Variants in EPB41L1 observed in about 807,000 individuals in gnomAD.
EPB41L1 encodes erythrocyte membrane protein band 4.1 like 1.
Under a neutral mutation model 97.8 loss-of-function variants are expected in EPB41L1, and 29 were observed. The ratio of observed to expected loss-of-function variants is 0.30; its 90% CI spans 0.22 to 0.40. The LOEUF (loss-of-function observed/expected upper bound fraction) is 0.40, where lower values mean the gene tolerates loss of function less well. EPB41L1 is among the 10% of genes least tolerant of loss of function. The pLI, the probability that EPB41L1 is intolerant of heterozygous loss-of-function variation, is 1.00. For synonymous variants in EPB41L1, 383 were observed against 459.2 expected (o/e 0.83, Z 2.12); for missense variants, 812 against 1,162.3 (o/e 0.70, Z 4.38).
chr20:36,158,524 C>A (rs776888964), intron 1 of EPB41L1, among the ~76,000 whole-genome samples: 2 of 152,072 alleles, frequency 1.3e-5, no homozygotes, highest in African/African-American at 4.8e-5. Flanking sequence ...GAAGAGTGGG[C>A]GGTCTGATGT....
At position 36,212,287 on chromosome 20, in the gene EPB41L1, A is replaced by T. The variant is rs2063177627; in HGVS notation, c.2095A>T (p.Thr699Ser). 1 of 1,614,064 alleles carries T rather than the reference A, an allele frequency of 6.2e-7. No homozygotes were observed. Among genetic ancestry groups the T allele is most frequent in the Admixed American group, 1.7e-5 (1 of 60,012 alleles). Residue 699 changes from threonine (T) to serine (S), a missense_variant, in exon 16 of 22, where the codon ACC (threonine) becomes TCC (serine). Around this residue, in one of 3 missense-constraint regions of EPB41L1, gnomAD observed 498 missense variants for 622.7 expected, o/e 0.80. Transcript: ENST00000338074. The surrounding 1 kb of genome is among the most constrained non-coding windows in gnomAD (Gnocchi z 4.8). ...TTTCCTACAGCCCGTGAAAACAGAA[A>T]CCATGACTGTCAGCAGTCTGGCCAT... ...MPQFEPVKTE[T>S]MTVSSLAIRK...
chr20:36,194,050 G>A (rs2062074473), intron 11 of EPB41L1, among the ~76,000 whole-genome samples, 162 bp from the exon 12 acceptor site: 1 of 152,194 alleles, frequency 6.6e-6, no homozygotes, highest in Admixed American at 6.5e-5. Context: ...GCCACTCACT[G>A]GCCATGTGAT....
Position 36,207,069 on chromosome 20 carries a change from G to A in EPB41L1, c.1669-2419G>A. ...GCGAGGCTTCAGCATTTCTTCACATGGAGGTGATCATTCCCCTGCCAGCCT... is the reference window on the plus strand; with the variant it reads ...GCGAGGCTTCAGCATTTCTTCACATAGAGGTGATCATTCCCCTGCCAGCCT... On this transcript the variant is annotated intron_variant, in intron 14 of 21. Coordinates refer to ENST00000338074, the MANE Select transcript of EPB41L1 (RefSeq NM_012156.2). The surrounding 1 kb of genome is among the most constrained non-coding windows in gnomAD (Gnocchi z 4.9). 1 of 1,289,492 alleles carries A rather than the reference G, an allele frequency of 7.8e-7. No homozygotes were observed. Among genetic ancestry groups the A allele is most frequent in the African/African-American group, 1.5e-5 (1 of 65,992 alleles). 79.9% of individuals were successfully genotyped at this position (1,289,492 alleles called of 1,614,324 possible).
At chr20:36,140,913 C>T (rs1188842608) in intron 2 of EPB41L1, among the ~76,000 whole-genome samples, 1 of 152,132 alleles carries the variant, frequency 6.6e-6, no homozygotes, top group Non-Finnish European at 1.5e-5. Flanking sequence ...CAGGATGTCT[C>T]GTTGCTAAGA....
Position 36,229,499 on chromosome 20 carries a change from T to C in EPB41L1, c.*159T>C. On this transcript the variant is annotated 3_prime_UTR_variant, in exon 22 of 22. Transcript: ENST00000338074. ...GAAGGGAAAAGCATATATATATAGA[T>C]ATATAGAGATATAGATATATATACA... is the stretch of plus-strand genomic sequence containing the variant. The C allele has an allele frequency of 1.5e-6, 1 of 684,082 alleles. No individual in the cohort carries two copies. The highest frequency in any genetic ancestry group is 2.6e-6 in the Non-Finnish European group (1 of 378,502). The allele number at this position is 684,082 out of a possible 1,614,324, so 42.4% of individuals were successfully genotyped here.
intron 1 of EPB41L1, among the ~76,000 whole-genome samples, chr20:36,166,406 G>A (rs770884812): frequency 1.2e-4 from 19 of 152,164 alleles, no homozygotes; most frequent in African/African-American, 4.6e-4. Context: ...TCAGATCAGC[G>A]CCTAGCAAAT....
At chr20:36,177,905 C>T in intron 3 of EPB41L1, 47 bp from the exon 4 acceptor site, 1 of 1,494,818 alleles carries the variant, frequency 6.7e-7, no homozygotes, top group Non-Finnish European at 9.3e-7. Context: ...CCCAGCCTCG[C>T]CCCGGGGTGT....
In EPB41L1 at chr20:36,185,204, C is replaced by T. The variant is rs144222676; in HGVS notation, c.654C>T (p.Tyr218=). 2.4e-5 allele frequency: 39 copies of T among 1,613,720 alleles called. 1 individual carries two copies. In the East Asian group the frequency reaches 3.8e-4, roughly 16 times the overall value. Residue 218 remains tyrosine, a synonymous_variant, in exon 7 of 22, where the codon TAC becomes TAT. Coordinates refer to ENST00000338074, the MANE Select transcript of EPB41L1 (RefSeq NM_012156.2). ...SFVTHALLGS[Y]AVQAELGDYD... ...TCACGCATGCCCTACTGGGCTCCTA[C>T]GCTGTGCAGGCTGAGCTGGGTGACT...
intron 2 of EPB41L1, among the ~76,000 whole-genome samples, chr20:36,147,312 CAT>C (rs1216870292): frequency 1.3e-5 from 2 of 152,122 alleles, no homozygotes; most frequent in Admixed American, 1.3e-4. Flanking sequence ...GATGTTATAA[CAT>C]AAACACAGAA....
rs959292121 is a variant in EPB41L1 at position 36,154,769 on chromosome 20, C to A, written c.-142C>A. 15 of 986,562 alleles carry A rather than the reference C, an allele frequency of 1.5e-5. No homozygotes were observed. Among genetic ancestry groups the A allele is most frequent in the African/African-American group, 8.8e-5 (5 of 57,094 alleles). 61.1% of individuals were successfully genotyped at this position (986,562 alleles called of 1,614,324 possible). On this transcript the variant is annotated 5_prime_UTR_variant, in exon 1 of 22. Coordinates refer to ENST00000338074, the MANE Select transcript of EPB41L1 (RefSeq NM_012156.2). This position sits in a 1 kb window ranked among gnomAD's most constrained non-coding sequence, Gnocchi z 5.5. ...GGCATCCATCAGCGGGCGGGGGTGT[C>A]GCCGAACAGGCTGCTCCGCAGAGCC...
intron 1 of EPB41L1, among the ~76,000 whole-genome samples, chr20:36,168,211 G>A (rs1246062611): frequency 6.6e-6 from 1 of 152,188 alleles, no homozygotes; most frequent in Non-Finnish European, 1.5e-5. Flanking sequence ...AGTGTGCTGG[G>A]CCAGCCCCAG....
At chr20:36,096,413 TA>T (rs1326007111) in intron 1 of EPB41L1, among the ~76,000 whole-genome samples, 1 of 152,214 alleles carries the variant, frequency 6.6e-6, no homozygotes, top group African/African-American at 2.4e-5. Flanking sequence ...CTCCAATTCT[TA>T]CTTTGATCTC....
chr20:36,162,708 T>C (rs2060582497), intron 1 of EPB41L1, among the ~76,000 whole-genome samples: 1 of 152,174 alleles, frequency 6.6e-6, no homozygotes, highest in African/African-American at 2.4e-5. Flanking sequence ...TGTCACGTGG[T>C]CCCCAGCCCA....
chr20:36,208,702 ATG>A (rs1048304946), intron 14 of EPB41L1, among the ~76,000 whole-genome samples: 31 of 152,302 alleles, frequency 2.0e-4, no homozygotes, highest in African/African-American at 7.5e-4. Context: ...CCAGCCAAAA[ATG>A]TGTGTGTGGT....
At chr20:36,142,491 A>G (rs1410721392) in intron 2 of EPB41L1, among the ~76,000 whole-genome samples, 2 of 152,204 alleles carry the variant, frequency 1.3e-5, no homozygotes, top group African/African-American at 4.8e-5. Flanking sequence ...CTTATCATGT[A>G]CTTTTTCAAC....
At chr20:36,097,927 GA>G (rs924964469) in intron 1 of EPB41L1, among the ~76,000 whole-genome samples, 15 of 152,176 alleles carry the variant, frequency 9.9e-5, no homozygotes, top group African/African-American at 3.1e-4. Flanking sequence ...AGCTGGGGAA[GA>G]GGAGTAAGCC....
chr20:36,147,129 C>G (rs1333163936), intron 2 of EPB41L1, among the ~76,000 whole-genome samples: 1 of 152,016 alleles, frequency 6.6e-6, no homozygotes, highest in Non-Finnish European at 1.5e-5. Flanking sequence ...GCATGGGCGA[C>G]AGAGTGAGAC....
At chr20:36,108,981 T>C (rs2058295275) in intron 1 of EPB41L1, among the ~76,000 whole-genome samples, 1 of 151,594 alleles carries the variant, frequency 6.6e-6, no homozygotes, top group Admixed American at 6.6e-5. Flanking sequence ...TCTCGCTCTG[T>C]TGCCCAGACT....
rs2145999330 is a variant in EPB41L1, at chr20:36,177,838, C to T, written c.343-114C>T. The stretch of plus-strand genomic sequence containing the variant: ...GTGGCAGGAGCGCTGCATTCCTGTC[C>T]AGACACCGAAAGGCCCTTGGGGTTT... On this transcript the variant is annotated intron_variant, in intron 3 of 21. Coordinates refer to ENST00000338074, the MANE Select transcript of EPB41L1 (RefSeq NM_012156.2). 3 of 843,350 alleles carry T rather than the reference C, an allele frequency of 3.6e-6. No homozygotes were observed. In the East Asian group the frequency reaches 7.8e-5, roughly 22 times the overall value. The allele number at this position is 843,350 out of a possible 1,614,324, so 52.2% of individuals were successfully genotyped here.
Sources: gnomAD v4.1 joint callset for allele counts (sites outside exome capture counted in the v4.1 genomes callset) on GRCh38, gnomAD v4.1.1 for gene constraint, gnomAD v4.1.1 regional missense constraint, Gnocchi (gnomAD v3.1) non-coding constraint, MANE v1.5 for transcripts, NCBI Gene and HGNC (gene_info 2026-07-23, HGNC 2026-07-21) for gene names.